CSGALNACT1: variants seen among roughly 807,000 people sequenced by gnomAD.
CSGALNACT1 encodes chondroitin sulfate N-acetylgalactosaminyltransferase 1.
A neutral mutation model predicts 51.0 loss-of-function variants in CSGALNACT1; 52 were observed. The observed-to-expected ratio is 1.02, with a 90% CI of 0.82 to 1.29. CSGALNACT1 has a LOEUF of 1.29. CSGALNACT1 is among the 50% of genes most tolerant of loss of function. The pLI is 0.00. For synonymous variants in CSGALNACT1, 341 were observed against 254.4 expected, an observed-to-expected ratio of 1.34 and a Z score of -3.24; for missense variants, 935 against 679.2, an observed-to-expected ratio of 1.38 and a Z score of -4.19.
intron 4 of CSGALNACT1, among the ~76,000 whole-genome samples, chr8:19,464,688 T>G (rs1292629008): frequency 1.3e-5 from 2 of 152,122 alleles, no homozygotes; most frequent in African/African-American, 4.8e-5. Context: ...GAACTGCACA[T>G]GTAAAGGATG....
intron 1 of CSGALNACT1, among the ~76,000 whole-genome samples, chr8:19,635,071 A>G (rs541334350): frequency 2.0e-4 from 31 of 152,368 alleles, no homozygotes; most frequent in Non-Finnish European, 3.8e-4. Flanking sequence ...ATGATTGTGT[A>G]ATTAAGTGGT....
At chr8:19,579,082 A>G (rs1009044700) in intron 3 of CSGALNACT1, among the ~76,000 whole-genome samples, 1 of 152,198 alleles carries the variant, frequency 6.6e-6, no homozygotes, top group Non-Finnish European at 1.5e-5. Context: ...ACTTGAGCCT[A>G]TCCACCACAC....
At chr8:19,543,889 C>A (rs984317297) in intron 3 of CSGALNACT1, among the ~76,000 whole-genome samples, 1 of 152,174 alleles carries the variant, frequency 6.6e-6, no homozygotes, top group African/African-American at 2.4e-5. Context: ...AAAATACGAC[C>A]TTTTACCAGT....
intron 3 of CSGALNACT1, among the ~76,000 whole-genome samples, chr8:19,512,771 A>T (rs946286129): frequency 6.6e-6 from 1 of 152,184 alleles, no homozygotes; most frequent in Non-Finnish European, 1.5e-5. Context: ...GCCCTCCGAG[A>T]TTTTATTCTT....
At chr8:19,594,450 A>G (rs535289812) in intron 2 of CSGALNACT1, among the ~76,000 whole-genome samples, 4 of 152,208 alleles carry the variant, frequency 2.6e-5, no homozygotes, top group Non-Finnish European at 4.4e-5. Context: ...TTGAGACTCA[A>G]ACACACAAGG....
intron 1 of CSGALNACT1, among the ~76,000 whole-genome samples, chr8:19,663,057 C>T (rs2058895121): frequency 6.6e-6 from 1 of 152,208 alleles, no homozygotes; most frequent in South Asian, 2.1e-4. Flanking sequence ...GCAGGATGCT[C>T]TCTATCAATC....
At chr8:19,457,328 C>G (rs2064315687) in intron 5 of CSGALNACT1, among the ~76,000 whole-genome samples, 1 of 152,138 alleles carries the variant, frequency 6.6e-6, no homozygotes, top group Admixed American at 6.5e-5. Flanking sequence ...GATTAAAAAT[C>G]AAGGCTGGGC....
chr8:19,693,108 C>T (rs1335629308), intron 1 of CSGALNACT1, among the ~76,000 whole-genome samples: 1 of 152,198 alleles, frequency 6.6e-6, no homozygotes, highest in African/African-American at 2.4e-5. Context: ...GACTCATTCC[C>T]TACCCTTCAC....
chr8:19,635,509 TCG>T (rs2055918760), intron 1 of CSGALNACT1, among the ~76,000 whole-genome samples: 1 of 152,188 alleles, frequency 6.6e-6, no homozygotes, highest in Non-Finnish European at 1.5e-5. Context: ...GGGGTGAACC[TCG>T]GCTGCTTCTG....
At chr8:19,670,743 G>A (rs2059739988) in intron 1 of CSGALNACT1, among the ~76,000 whole-genome samples, 2 of 149,620 alleles carry the variant, frequency 1.3e-5, no homozygotes, top group Admixed American at 1.3e-4. Flanking sequence ...CATGAGACAA[G>A]TACAGCATAT....
At position 19,407,905 on chromosome 8, in the gene CSGALNACT1, TTGTGTGTGTGTG is replaced by T. The variant is rs60746708; in HGVS notation, c.1309+696_1309+707del. ...GCATGTGGACATTTGTGTATATGAA[TTGTGTGTGTGTG>T]TGTGTGTGTGTGTGTGTGTGTGTGT... is the stretch of plus-strand genomic sequence containing the variant. On this transcript the variant is annotated intron_variant, in intron 9 of 9. Transcript: ENST00000454498. Among the ~76,000 whole-genome samples, 151 of 112,786 alleles carry T rather than the reference TTGTGTGTGTGTG, an allele frequency of 1.3e-3. 2 individuals are homozygous for T. Among genetic ancestry groups the T allele is most frequent in the East Asian group, 0.01 (45 of 4,386 alleles). The allele number at this position is 112,786 out of a possible 152,430, so 74.0% of individuals were successfully genotyped here.
At chr8:19,567,752 A>C (rs1751441161) in intron 3 of CSGALNACT1, among the ~76,000 whole-genome samples, 1 of 152,218 alleles carries the variant, frequency 6.6e-6, no homozygotes, top group African/African-American at 2.4e-5. Flanking sequence ...CAAAATCCAA[A>C]TGAAAACACA....
chr8:19,683,542 G>A (rs531617369), upstream of CSGALNACT1, among the ~76,000 whole-genome samples: 204 of 152,182 alleles, frequency 1.3e-3, no homozygotes, highest in South Asian at 0.015. Flanking sequence ...AGTCCCTTTC[G>A]TAACTGATAT....
At chr8:19,448,227 A>G (rs2062476131) in intron 5 of CSGALNACT1, among the ~76,000 whole-genome samples, 1 of 152,172 alleles carries the variant, frequency 6.6e-6, no homozygotes, top group Non-Finnish European at 1.5e-5. Flanking sequence ...TCTCTTTATA[A>G]CTCATATTAT....
intron 3 of CSGALNACT1, among the ~76,000 whole-genome samples, chr8:19,534,425 T>G (rs1411490642): frequency 6.6e-6 from 1 of 152,012 alleles, no homozygotes; most frequent in East Asian, 1.9e-4. Context: ...CACTCTAGCC[T>G]GAGTGACAGA....
intron 3 of CSGALNACT1, among the ~76,000 whole-genome samples, chr8:19,571,358 T>C (rs906663649): frequency 6.6e-6 from 1 of 151,942 alleles, no homozygotes; most frequent in Non-Finnish European, 1.5e-5. Flanking sequence ...CAGGGAGTCC[T>C]AGAATTCTAG....
intron 4 of CSGALNACT1, among the ~76,000 whole-genome samples, chr8:19,500,415 T>G (rs190805603): frequency 9.9e-5 from 15 of 151,720 alleles, no homozygotes; most frequent in African/African-American, 3.1e-4. Context: ...ATGCCCAGAA[T>G]GCACCTGAAA....
chr8:19,747,517 T>C (rs188897339), intron 1 of CSGALNACT1, among the ~76,000 whole-genome samples: 8 of 152,308 alleles, frequency 5.3e-5, no homozygotes, highest in African/African-American at 1.9e-4. Context: ...AAGTGAATAA[T>C]ATGTTCTCTA....
At chr8:19,755,865 G>T (rs566886269) in intron 1 of CSGALNACT1, among the ~76,000 whole-genome samples, 3 of 152,296 alleles carry the variant, frequency 2.0e-5, no homozygotes, top group East Asian at 1.9e-4. Flanking sequence ...ATATGGTGTG[G>T]CAGCTCAAGG....
Sources: allele counts gnomAD v4.1 joint callset (sites outside exome capture counted in the v4.1 genomes callset), GRCh38; gene constraint gnomAD v4.1.1; transcripts MANE v1.5; gene names NCBI Gene and HGNC (gene_info 2026-07-23, HGNC 2026-07-21).